GSK3B: variants seen among roughly 807,000 people sequenced by gnomAD.
The protein encoded by GSK3B is glycogen synthase kinase-3 beta.
A neutral mutation model predicts 56.4 loss-of-function variants in GSK3B; 15 were observed. The observed-to-expected ratio is 0.27, with a 90% confidence interval of 0.18 to 0.41. GSK3B has a LOEUF of 0.41. Among genes scored for constraint, GSK3B ranks in the 10% least tolerant of loss-of-function variants. GSK3B has a pLI of 1.00. For synonymous variants in GSK3B, 181 were observed against 188.9 expected, an observed-to-expected ratio of 0.96 and a Z score of 0.34; for missense variants, 300 against 513.4, an observed-to-expected ratio of 0.58 and a Z score of 4.02.
intron 4 of GSK3B, among the ~76,000 whole-genome samples, chr3:119,919,274 G>C (rs1413876395): frequency 6.6e-6 from 1 of 152,130 alleles, no homozygotes; most frequent in Non-Finnish European, 1.5e-5. Flanking sequence ...CTTATCAGAT[G>C]ATGAGGTTCA....
intron 1 of GSK3B, among the ~76,000 whole-genome samples, chr3:120,006,728 C>T (rs1559873538): frequency 6.6e-6 from 1 of 151,978 alleles, no homozygotes; most frequent in African/African-American, 2.4e-5. Flanking sequence ...AGAACAAAGA[C>T]ACAACATACC....
At chr3:119,925,003 C>T (rs150947320) in intron 3 of GSK3B, among the ~76,000 whole-genome samples, 1 of 152,318 alleles carries the variant, frequency 6.6e-6, no homozygotes, top group Non-Finnish European at 1.5e-5. Flanking sequence ...TCTAATTATG[C>T]TGACTGGTGT....
intron 9 of GSK3B, among the ~76,000 whole-genome samples, chr3:119,855,352 A>G (rs1360861703): frequency 4.6e-5 from 7 of 152,272 alleles, no homozygotes; most frequent in South Asian, 2.1e-4. Flanking sequence ...AGGATGTGGA[A>G]AAATAGGAAC....
chr3:120,063,453 G>A (rs995161413), intron 1 of GSK3B, among the ~76,000 whole-genome samples: 1 of 152,150 alleles, frequency 6.6e-6, no homozygotes, highest in Non-Finnish European at 1.5e-5. Flanking sequence ...CTGGCCGGGT[G>A]CAGTGGCTCA....
At chr3:119,994,103 C>G (rs2057592102) in intron 2 of GSK3B, among the ~76,000 whole-genome samples, 1 of 152,114 alleles carries the variant, frequency 6.6e-6, no homozygotes, top group African/African-American at 2.4e-5. Context: ...ACCTCGTGAT[C>G]CGCCCGCCTC....
chr3:119,883,749 G>T (rs2056404201), intron 7 of GSK3B, among the ~76,000 whole-genome samples: 1 of 152,130 alleles, frequency 6.6e-6, no homozygotes, highest in Admixed American at 6.6e-5. Flanking sequence ...GAGCTAGAAA[G>T]TAATTTAAAT....
At chr3:120,034,817 A>G (rs907078981) in intron 1 of GSK3B, among the ~76,000 whole-genome samples, 1 of 152,152 alleles carries the variant, frequency 6.6e-6, no homozygotes, top group African/African-American at 2.4e-5. Context: ...GAGGGCCAGG[A>G]GAGGTCGAGG....
chr3:119,829,480 TACATCAGCACCCATGCCA>T (rs1381358779), intron 10 of GSK3B, among the ~76,000 whole-genome samples: 3 of 152,344 alleles, frequency 2.0e-5, no homozygotes, highest in African/African-American at 7.2e-5. Context: ...GTTTGACCAC[TACATCAGCACCCATGCCA>T]ACATGGAGAG....
rs1043846922 is a variant in GSK3B, at chr3:120,002,150, T to C, written c.178A>G (p.Lys60Glu). ...CCAAATGATCCATTTCCAATCACTTTAGTGTCTGTATAGCTGACTTCTTGT... is the reference window on the plus strand; with the variant it reads ...CCAAATGATCCATTTCCAATCACTTCAGTGTCTGTATAGCTGACTTCTTGT... Reference protein sequence around the residue: ...RPQEVSYTDTKVIGNGSFGVV... With the variant: ...RPQEVSYTDTEVIGNGSFGVV... Residue 60 changes from lysine (K) to glutamate (E), a missense_variant, in exon 2 of 11, where the codon AAA (lysine) becomes GAA (glutamate). Physicochemically the swap from Lys to Glu is moderately conservative, Grantham distance 56. Coordinates refer to ENST00000264235, the MANE Select transcript of GSK3B (RefSeq NM_001146156.2). The C allele has an allele frequency of 1.9e-6, 3 of 1,612,308 alleles. No individual in the cohort carries two copies. Among genetic ancestry groups the C allele is most frequent in the African/African-American group, 1.3e-5 (1 of 74,756 alleles).
At chr3:119,895,235 G>C (rs1398750792) in intron 7 of GSK3B, among the ~76,000 whole-genome samples, 1 of 152,116 alleles carries the variant, frequency 6.6e-6, no homozygotes. Context: ...GTTCACCCAT[G>C]TTGTCACAAA....
chr3:120,034,326 C>T (rs944323719), intron 1 of GSK3B, among the ~76,000 whole-genome samples: 1 of 152,118 alleles, frequency 6.6e-6, no homozygotes, highest in African/African-American at 2.4e-5. Flanking sequence ...CCTATGTTTT[C>T]TCCTAGGAGT....
intron 1 of GSK3B, among the ~76,000 whole-genome samples, chr3:120,090,913 C>T (rs1174990873): frequency 6.6e-6 from 1 of 152,104 alleles, no homozygotes; most frequent in East Asian, 1.9e-4. Flanking sequence ...TCAGATTTGT[C>T]AACTTGATTA....
At chr3:119,964,021 T>TA (rs2057297669) in intron 2 of GSK3B, among the ~76,000 whole-genome samples, 1 of 152,070 alleles carries the variant, frequency 6.6e-6, no homozygotes, top group African/African-American at 2.4e-5. Flanking sequence ...TATATCAAAC[T>TA]AAAAAGCTTC....
chr3:120,002,550 G>C (rs1277237986), intron 1 of GSK3B, among the ~76,000 whole-genome samples: 1 of 152,078 alleles, frequency 6.6e-6, no homozygotes, highest in Non-Finnish European at 1.5e-5. Flanking sequence ...TGTTGGCCAG[G>C]CTGGTCTTGA....
chr3:119,842,567 CATTT>C (rs1179418696), intron 10 of GSK3B, among the ~76,000 whole-genome samples: 3 of 152,108 alleles, frequency 2.0e-5, no homozygotes, highest in African/African-American at 7.2e-5. Context: ...ATAAACATCT[CATTT>C]GATTTGATTT....
At chr3:119,881,098 G>A (rs894266086) in intron 7 of GSK3B, among the ~76,000 whole-genome samples, 2 of 152,002 alleles carry the variant, frequency 1.3e-5, no homozygotes, top group Non-Finnish European at 2.9e-5. Context: ...AATAAATTGT[G>A]GCATAGTCAT....
chr3:119,928,612 T>TAAAAAAAAAAAAAA (rs1160252679), intron 3 of GSK3B, among the ~76,000 whole-genome samples: 11 of 67,032 alleles, frequency 1.6e-4, no homozygotes, highest in Admixed American at 2.0e-4. Context: ...ATCAAAAAAA[T>TAAAAAAAAAAAAAA]AAAAAAAAAA....
At chr3:119,851,579 A>G (rs2055931294) in intron 9 of GSK3B, among the ~76,000 whole-genome samples, 1 of 152,216 alleles carries the variant, frequency 6.6e-6, no homozygotes, top group African/African-American at 2.4e-5. Context: ...CAACCCCTCT[A>G]CTGACTAGAT....
chr3:120,034,438 C>CA (rs2058005668), intron 1 of GSK3B, among the ~76,000 whole-genome samples: 1 of 152,090 alleles, frequency 6.6e-6, no homozygotes, highest in Non-Finnish European at 1.5e-5. Context: ...CATTCATTTG[C>CA]ATGCAAATAT....
Sources: allele counts gnomAD v4.1 joint callset (sites outside exome capture counted in the v4.1 genomes callset), GRCh38; gene constraint gnomAD v4.1.1; transcripts MANE v1.5; gene names NCBI Gene and HGNC (gene_info 2026-07-23, HGNC 2026-07-21).